CSMD3: variants seen among roughly 807,000 people sequenced by gnomAD.
The protein encoded by CSMD3 is CUB and sushi domain-containing protein 3.
CSMD3 carries 177 observed loss-of-function variants against 435.2 expected under a neutral mutation model. That is an observed-to-expected ratio of 0.41 (90% CI 0.36 to 0.46). The LOEUF is 0.46. Ranked by LOEUF, CSMD3 falls within the 20% of genes least tolerant of loss-of-function variation. The pLI, the probability that CSMD3 is intolerant of heterozygous loss-of-function variation, is 0.34. For missense variants in CSMD3, 4,265 were observed against 4,504.6 expected, an observed-to-expected ratio of 0.95 and a Z score of 1.52; for synonymous variants, 1,656 against 1,520.5, an observed-to-expected ratio of 1.09 and a Z score of -2.07.
At chr8:112,235,691 A>G (rs540549525) in intron 67 of CSMD3, among the ~76,000 whole-genome samples, 3 of 152,282 alleles carry the variant, frequency 2.0e-5, no homozygotes, top group South Asian at 2.1e-4. Context: ...TTGTTCACCT[A>G]TGTAATAGGG....
intron 40 of CSMD3, 45 bp from the exon 41 acceptor site, chr8:112,346,258 A>C (rs1351035987): frequency 1.4e-5 from 15 of 1,090,824 alleles, no homozygotes; most frequent in Admixed American, 5.1e-5. Context: ...TAGAGGAATA[A>C]TTTACTGTAT....
intron 2 of CSMD3, among the ~76,000 whole-genome samples, chr8:113,279,580 A>G (rs1470147438): frequency 6.6e-6 from 1 of 151,746 alleles, no homozygotes; most frequent in Non-Finnish European, 1.5e-5. Context: ...GGGTTTCTGT[A>G]TATATGTTTA....
intron 46 of CSMD3, 32 bp downstream of exon 46, chr8:112,319,869 T>G: frequency 6.8e-7 from 1 of 1,460,164 alleles, no homozygotes; most frequent in Non-Finnish European, 9.6e-7. Flanking sequence ...GCCAGCAGTA[T>G]GTTTTCCTTG....
chr8:112,776,617 T>A (rs986536808), intron 13 of CSMD3, among the ~76,000 whole-genome samples: 1 of 151,814 alleles, frequency 6.6e-6, no homozygotes, highest in African/African-American at 2.4e-5. Flanking sequence ...GTTGGAAAAA[T>A]TGCCTTAAGA....
At chr8:113,006,645 C>G (rs1360862949) in intron 6 of CSMD3, among the ~76,000 whole-genome samples, 1 of 151,790 alleles carries the variant, frequency 6.6e-6, no homozygotes, top group Non-Finnish European at 1.5e-5. Context: ...TAAGCCTGGT[C>G]TTTTTGTGCT....
intron 1 of CSMD3, among the ~76,000 whole-genome samples, chr8:113,389,571 T>C (rs944761128): frequency 1.3e-5 from 2 of 151,792 alleles, no homozygotes; most frequent in Non-Finnish European, 3.0e-5. Flanking sequence ...AAATTTACAC[T>C]GTCTTTACTC....
chr8:113,339,813 A>G (rs1588551333), intron 1 of CSMD3, among the ~76,000 whole-genome samples: 1 of 151,998 alleles, frequency 6.6e-6, no homozygotes, highest in East Asian at 1.9e-4. Context: ...AATTAAAATT[A>G]CTATATGGTC....
intron 45 of CSMD3, among the ~76,000 whole-genome samples, chr8:112,326,519 G>A (rs974264313): frequency 6.6e-6 from 1 of 152,058 alleles, no homozygotes; most frequent in African/African-American, 2.4e-5. Flanking sequence ...TTAGAATAAG[G>A]CCTGAACATA....
At chr8:113,355,560 C>A (rs1276743201) in intron 1 of CSMD3, among the ~76,000 whole-genome samples, 1 of 151,442 alleles carries the variant, frequency 6.6e-6, no homozygotes, top group Non-Finnish European at 1.5e-5. Context: ...CCTAATCTAA[C>A]CCTAACTGTC....
intron 32 of CSMD3, among the ~76,000 whole-genome samples, chr8:112,410,385 C>T (rs900512018): frequency 4.7e-5 from 7 of 149,862 alleles, no homozygotes; most frequent in Admixed American, 1.3e-4. Flanking sequence ...AGACACATGC[C>T]GTGAATTATT....
At chr8:113,425,772 AATACAGGTAATTATGAGCCTGTCAGC>A (rs2094632806) in intron 1 of CSMD3, among the ~76,000 whole-genome samples, 1 of 151,718 alleles carries the variant, frequency 6.6e-6, no homozygotes, top group African/African-American at 2.4e-5. Flanking sequence ...ACATGAATTC[AATACAGGTAATTATGAGCCTGTCAGC>A]ATTTCTATTA....
chr8:113,096,215 C>T (rs909373530), intron 5 of CSMD3, among the ~76,000 whole-genome samples: 7 of 152,084 alleles, frequency 4.6e-5, no homozygotes, highest in African/African-American at 1.7e-4. Context: ...AAACTTCACA[C>T]ATCCAAATTT....
At chr8:112,327,723 C>T (rs1823637635) in intron 45 of CSMD3, among the ~76,000 whole-genome samples, 1 of 152,274 alleles carries the variant, frequency 6.6e-6, no homozygotes, top group Admixed American at 6.5e-5. Flanking sequence ...ATGAGAGCAT[C>T]GTATTCCACA....
At chr8:112,787,312 C>T (rs1490394850) in intron 13 of CSMD3, among the ~76,000 whole-genome samples, 1 of 152,018 alleles carries the variant, frequency 6.6e-6, no homozygotes, top group Non-Finnish European at 1.5e-5. Flanking sequence ...ATCCAAAAAA[C>T]AGGCAATAGT....
intron 4 of CSMD3, among the ~76,000 whole-genome samples, chr8:113,124,027 G>C (rs1179893810): frequency 6.6e-6 from 1 of 151,934 alleles, no homozygotes; most frequent in East Asian, 1.9e-4. Context: ...TTATCCAAGA[G>C]AAATATTTGG....
intron 59 of CSMD3, 24 bp from the exon 60 acceptor site, chr8:112,265,614 C>T: frequency 6.4e-7 from 1 of 1,568,006 alleles, no homozygotes; most frequent in Admixed American, 1.7e-5. Flanking sequence ...ATTAGAAGAG[C>T]AGATGGTTAA....
chr8:112,807,834 A>G (rs2079128971), intron 12 of CSMD3, among the ~76,000 whole-genome samples: 1 of 152,198 alleles, frequency 6.6e-6, no homozygotes, highest in Non-Finnish European at 1.5e-5. Context: ...ATTTTCAAAA[A>G]TATGCTTCAC....
intron 6 of CSMD3, among the ~76,000 whole-genome samples, chr8:112,996,940 T>C (rs999597434): frequency 5.9e-5 from 9 of 151,750 alleles, no homozygotes; most frequent in Admixed American, 4.0e-4. Flanking sequence ...ATAACAGAAC[T>C]GTAAAAGAGA....
chr8:113,356,724 G>A (rs1013621126), intron 1 of CSMD3, among the ~76,000 whole-genome samples: 3 of 151,980 alleles, frequency 2.0e-5, no homozygotes, highest in Non-Finnish European at 4.4e-5. Flanking sequence ...TCAAATATAT[G>A]GAATATAACC....
Sources: allele counts gnomAD v4.1 joint callset (sites outside exome capture counted in the v4.1 genomes callset), GRCh38; gene constraint gnomAD v4.1.1; transcripts MANE v1.5; gene names NCBI Gene and HGNC (gene_info 2026-07-23, HGNC 2026-07-21).